NCF2: variants seen among roughly 807,000 people sequenced by gnomAD.
NCF2 encodes neutrophil cytosol factor 2.
In NCF2, 45 loss-of-function variants were observed where a neutral mutation model predicts 70.9. That is an observed-to-expected ratio of 0.63 (90% CI 0.50 to 0.81). The LOEUF is 0.81. Among genes scored for constraint, NCF2 ranks in the 40% least tolerant of loss-of-function variants. The pLI is 0.00. For missense variants in NCF2, 522 were observed against 631.6 expected (o/e 0.83, Z 1.86); for synonymous variants, 203 against 233.6 (o/e 0.87, Z 1.19).
upstream of NCF2, among the ~76,000 whole-genome samples, chr1:183,593,824 C>T (rs890978466): frequency 6.6e-6 from 1 of 152,206 alleles, no homozygotes; most frequent in African/African-American, 2.4e-5. Context: ...TTTGGTAGAA[C>T]CCCAGTTCTG....
At chr1:183,599,483 T>TTTCTTTCTTTCTTTC in the NCF2 span, among the ~76,000 whole-genome samples, 65 of 72,224 alleles carry the variant, frequency 9.0e-4, no homozygotes, top group African/African-American at 3.3e-3. Context: ...TCTTTCTTTC[T>TTTCTTTCTTTCTTTC]CTTTTCTTTC....
intron 14 of NCF2, among the ~76,000 whole-genome samples, chr1:183,557,925 G>T (rs1342533565): frequency 6.6e-6 from 1 of 151,860 alleles, no homozygotes; most frequent in African/African-American, 2.4e-5. Flanking sequence ...CCCAGACTGG[G>T]GTGCAAAGGT....
intron 10 of NCF2, among the ~76,000 whole-genome samples, chr1:183,565,101 G>T (rs1164970432): frequency 6.6e-6 from 1 of 152,216 alleles, no homozygotes; most frequent in Non-Finnish European, 1.5e-5. Context: ...GAGTGATTCT[G>T]ATGATCAGGC....
At position 183,565,718 on chromosome 1, in the gene NCF2, G is replaced by C; in HGVS notation, c.986C>G (p.Pro329Arg). ...APPSSKAPGR[P>R]QLSPGQKQKE... is the part of the protein sequence containing the mutation. ...GGACCACTCACCTGGTGACAGCTGG[G>C]GTCTTCCAGGGGCTTTGGAACTAGG... The change falls in exon 10 of 15, where the codon CCC becomes CGC. Residue 329 changes from proline to arginine, a missense_variant. Pro to Arg is a moderately radical substitution (Grantham distance 103). Transcript: ENST00000367535. 6.2e-7 allele frequency: 1 copy of C among 1,612,534 alleles called. No individual in the cohort carries two copies. Among genetic ancestry groups the C allele is most frequent in the African/African-American group, 1.3e-5 (1 of 74,978 alleles).
intron 4 of NCF2, 32 bp downstream of exon 4, chr1:183,574,455 C>CCTCT: frequency 1.2e-6 from 2 of 1,614,142 alleles, no homozygotes; most frequent in Non-Finnish European, 1.7e-6. Context: ...CCAGTGACAT[C>CCTCT]CTCTCAACAC....
chr1:183,594,385 G>C (rs80008821), upstream of NCF2, among the ~76,000 whole-genome samples: 7,070 of 152,280 alleles, frequency 0.046, 389 homozygotes, highest in East Asian at 0.3. Context: ...TTCCAGCCTA[G>C]GTGACTGAGC....
upstream of NCF2, chr1:183,590,697 C>T (rs987916488): frequency 6.0e-5 from 19 of 316,064 alleles, no homozygotes; most frequent in Non-Finnish European, 1.1e-4. Flanking sequence ...TCTCTCCCAC[C>T]CCTGTTCTGT....
At chr1:183,567,010 T>C (rs1432379608) in intron 8 of NCF2, 22 bp from the exon 9 acceptor site, 1 of 1,613,566 alleles carries the variant, frequency 6.2e-7, no homozygotes, top group East Asian at 2.2e-5. Context: ...CACCACAGAA[T>C]CAGAAAGGAA....
intron 4 of NCF2, among the ~76,000 whole-genome samples, chr1:183,573,641 C>T (rs1672669688): frequency 6.6e-6 from 1 of 152,196 alleles, no homozygotes; most frequent in Non-Finnish European, 1.5e-5. Context: ...AGGCTCATGA[C>T]AGTGCTCCCT....
intron 2 of NCF2, among the ~76,000 whole-genome samples, chr1:183,585,005 T>C (rs908321096): frequency 1.3e-5 from 2 of 152,220 alleles, no homozygotes; most frequent in Admixed American, 6.5e-5. Flanking sequence ...GCTCTCTTTC[T>C]CCCCAGATTG....
intron 6 of NCF2, 40 bp from the exon 7 acceptor site, chr1:183,569,225 T>C: frequency 2.5e-6 from 4 of 1,594,770 alleles, no homozygotes; most frequent in Non-Finnish European, 3.4e-6. Context: ...GAAAAGGCAA[T>C]GAGGGAAAGC....
rs1672141213 is a variant in NCF2, at chr1:183,563,074, C to G, written c.1290+121G>C. On this transcript the variant is annotated intron_variant, in intron 13 of 14. Coordinates refer to ENST00000367535, the MANE Select transcript of NCF2 (RefSeq NM_000433.4). ...AGGGAGGCAGAGCTGTGACTTATTACACACCATATCCCCAACACCACATAT... is the reference window on the plus strand; with the variant it reads ...AGGGAGGCAGAGCTGTGACTTATTAGACACCATATCCCCAACACCACATAT... 3 of 896,392 alleles carry G rather than the reference C, an allele frequency of 3.3e-6. No homozygotes were observed. In the Admixed American group the frequency reaches 5.7e-5, roughly 17 times the overall value. 55.5% of individuals were successfully genotyped at this position (896,392 alleles called of 1,614,324 possible).
chr1:183,583,898 A>G (rs1215921683), intron 2 of NCF2, among the ~76,000 whole-genome samples: 2 of 152,202 alleles, frequency 1.3e-5, no homozygotes, highest in African/African-American at 2.4e-5. Context: ...ATTTTACAAG[A>G]TCACTCTGGA....
chr1:183,585,562 T>C (rs1192106279), intron 2 of NCF2, among the ~76,000 whole-genome samples: 1 of 146,800 alleles, frequency 6.8e-6, no homozygotes, highest in Non-Finnish European at 1.5e-5. Flanking sequence ...AAGGCAGAGG[T>C]TGCAGTGAGC....
At chr1:183,571,114 C>CTTTTTTT (rs66625837) in intron 5 of NCF2, among the ~76,000 whole-genome samples, 2 of 106,818 alleles carry the variant, frequency 1.9e-5, no homozygotes, top group Non-Finnish European at 3.7e-5. Flanking sequence ...ATCAAATTAT[C>CTTTTTTT]TTTTTTTTTT....
intron 4 of NCF2, 59 bp downstream of exon 4, chr1:183,574,428 C>T: frequency 6.2e-7 from 1 of 1,611,950 alleles, no homozygotes; most frequent in Non-Finnish European, 8.5e-7. Flanking sequence ...GGCATGTCCT[C>T]TGAGACAAAT....
rs76297529 is a variant in NCF2, at chr1:183,559,035, C to T, written c.1468+1061G>A. ...GGTAGAGAATTAGGCTGGCAAACCACGAGTTGGAATGGTGCTTCTTAAGAG... is the reference window on the plus strand; with the variant it reads ...GGTAGAGAATTAGGCTGGCAAACCATGAGTTGGAATGGTGCTTCTTAAGAG... On this transcript the variant is annotated intron_variant, in intron 14 of 14. Coordinates refer to ENST00000367535, the MANE Select transcript of NCF2 (RefSeq NM_000433.4). Among the ~76,000 whole-genome samples the T allele has an allele frequency of 1.8e-3, 275 of 152,288 alleles. 3 individuals are homozygous for T. Among genetic ancestry groups the T allele is most frequent in the Admixed American group, 0.013 (200 of 15,300 alleles).
chr1:183,579,738 CA>C (rs397982209), intron 2 of NCF2, among the ~76,000 whole-genome samples: 260 of 38,850 alleles, frequency 6.7e-3, no homozygotes, highest in African/African-American at 0.012. Context: ...GACTCTGTCT[CA>C]AAAAAAAAAA....
At chr1:183,580,779 C>G (rs1379923389) in intron 2 of NCF2, among the ~76,000 whole-genome samples, 2 of 152,044 alleles carry the variant, frequency 1.3e-5, no homozygotes, top group Admixed American at 1.3e-4. Context: ...GGGTTCGAGA[C>G]CAGCCTGGCC....
Sources: gnomAD v4.1 joint callset for allele counts (sites outside exome capture counted in the v4.1 genomes callset) on GRCh38, gnomAD v4.1.1 for gene constraint, MANE v1.5 for transcripts, NCBI Gene and HGNC (gene_info 2026-07-23, HGNC 2026-07-21) for gene names.